Variants in ACSL4 observed in about 807,000 individuals in gnomAD.
ACSL4 encodes long-chain-fatty-acid--CoA ligase 4.
In ACSL4, 9 loss-of-function variants were observed where a neutral mutation model predicts 49.1. That is an observed-to-expected ratio of 0.18 (90% CI 0.11 to 0.32). The LOEUF (loss-of-function observed/expected upper bound fraction) is 0.32. Ranked by LOEUF, ACSL4 falls within the 10% of genes least tolerant of loss-of-function variation. The pLI is 1.00. For missense variants in ACSL4, 333 were observed against 493.7 expected (o/e 0.67, Z 3.08); for synonymous variants, 191 against 170.3 (o/e 1.12, Z -0.95).
In ACSL4 at chrX:109,663,261, C is replaced by T. The variant is rs761248525; in HGVS notation, c.1532G>A (p.Cys511Tyr). Residue 511 changes from cysteine to tyrosine, a missense_variant, in exon 13 of 16, where the codon TGC becomes TAC. This residue lies in a region of ACSL4 where 175 missense variants were observed against 275.8 expected (regional missense o/e 0.63). Transcript: ENST00000672401. ...ATGGAATTCTCCAATATCACCAGTG[C>T]AAAACCACCTTTGTCCATTTTCATC... Reference protein sequence around the residue: ...SVDENGQRWFCTGDIGEFHPD... With the variant: ...SVDENGQRWFYTGDIGEFHPD... 8.3e-7 allele frequency: 1 copy of T among 1,209,835 alleles called. No individual in the cohort carries two copies. Among genetic ancestry groups the T allele is most frequent in the South Asian group, 1.8e-5 (1 of 56,735 alleles).
intron 4 of ACSL4, among the ~76,000 whole-genome samples, chrX:109,682,122 T>G (rs1477118323): frequency 1.8e-5 from 2 of 112,101 alleles, no homozygotes; most frequent in African/African-American, 6.5e-5. Context: ...TTGTTTGAAA[T>G]TTAAGCTCTA....
rs183781758 is a variant in ACSL4 at position 109,732,786 on chromosome X, T to C, written c.-66+353A>G. Among the ~76,000 whole-genome samples the C allele has an allele frequency of 4.1e-3, 457 of 111,499 alleles. 1 individual carries two copies. Among genetic ancestry groups the C allele is most frequent in the Non-Finnish European group, 7.3e-3 (386 of 52,950 alleles). ...GTTTGGAGGTCTAGCAAGCACTTCATGGTCTCCTCCGGAAAGGGCCGTGGC... is the reference window on the plus strand; with the variant it reads ...GTTTGGAGGTCTAGCAAGCACTTCACGGTCTCCTCCGGAAAGGGCCGTGGC... On this transcript the variant is annotated intron_variant, in intron 1 of 15. Coordinates refer to ENST00000672401, the MANE Select transcript of ACSL4 (RefSeq NM_001318510.2).
At position 109,656,752 on chromosome X, in the gene ACSL4, G is replaced by T. The variant is rs188797337; in HGVS notation, c.1855+2602C>A. On this transcript the variant is annotated intron_variant, in intron 15 of 15. Coordinates refer to ENST00000672401, the MANE Select transcript of ACSL4 (RefSeq NM_001318510.2). ...TGATAAAACTGAAACTTAAAAAAAG[G>T]TTATAAAATCAGCCACCCACATGGA... Among the ~76,000 whole-genome samples, 165 of 109,050 alleles carry T rather than the reference G, an allele frequency of 1.5e-3. 2 individuals carry two copies. Among genetic ancestry groups the T allele is most frequent in the African/African-American group, 5.4e-3 (161 of 29,738 alleles). 94.7% of individuals were successfully genotyped at this position (109,050 alleles called of 115,157 possible).
At chrX:109,655,478 A>C (rs1429744352) in intron 15 of ACSL4, among the ~76,000 whole-genome samples, 2 of 111,330 alleles carry the variant, frequency 1.8e-5, no homozygotes, top group East Asian at 5.6e-4. Context: ...CAAAAAGAGA[A>C]ATAGAAAATT....
chrX:109,677,666 A>G (rs1923830887), intron 8 of ACSL4, among the ~76,000 whole-genome samples: 1 of 110,259 alleles, frequency 9.1e-6, no homozygotes. Context: ...CTGCAATCCC[A>G]GCTACTCTAG....
At chrX:109,709,845 G>A (rs1926626596) in intron 1 of ACSL4, among the ~76,000 whole-genome samples, 1 of 111,955 alleles carries the variant, frequency 8.9e-6, no homozygotes, top group Non-Finnish European at 1.9e-5. Context: ...GGTGGCTCAC[G>A]CCTGTAATCC....
At chrX:109,685,325 G>A (rs1450341633) in intron 2 of ACSL4, 1 of 110,281 alleles carries the variant, frequency 9.1e-6, no homozygotes, top group Non-Finnish European at 1.9e-5. Context: ...CAAAATCCTG[G>A]ACTCAAGCTA....
At chrX:109,645,154 C>A (rs1213205125) in intron 15 of ACSL4, among the ~76,000 whole-genome samples, 5 of 113,268 alleles carry the variant, frequency 4.4e-5, no homozygotes, top group Non-Finnish European at 7.5e-5. Context: ...GAAGCTCCAA[C>A]TGGGTGGAGC....
chrX:109,671,226 T>A (rs1923186443), intron 9 of ACSL4, among the ~76,000 whole-genome samples: 1 of 109,642 alleles, frequency 9.1e-6, no homozygotes, highest in African/African-American at 3.3e-5. Context: ...GGGGAGCACC[T>A]CTGCCCTGCC....
At chrX:109,733,115 A>G (rs375904348) in intron 1 of ACSL4, 24 bp downstream of exon 1, 40 of 326,695 alleles carry the variant, frequency 1.2e-4, no homozygotes, top group African/African-American at 9.6e-4. Context: ...CGGGGCCGCA[A>G]CCTCCCCATC....
chrX:109,679,535 A>G (rs1346483190), intron 6 of ACSL4, among the ~76,000 whole-genome samples: 1 of 112,574 alleles, frequency 8.9e-6, no homozygotes, highest in Non-Finnish European at 1.9e-5. Context: ...TTAAAGATAT[A>G]GTCATAGTTT....
chrX:109,724,306 G>A (rs1418544372), intron 1 of ACSL4, among the ~76,000 whole-genome samples: 1 of 110,641 alleles, frequency 9.0e-6, no homozygotes, highest in East Asian at 2.8e-4. Context: ...ACAGGGTTTT[G>A]CTCTGATGCC....
At position 109,678,418 on chromosome X, in the gene ACSL4, AAATG is replaced by A. The variant is rs770506547; in HGVS notation, c.656-7_656-4del. 1 of 1,209,230 alleles carries A rather than the reference AAATG, an allele frequency of 8.3e-7. No homozygotes were observed. The highest frequency in any genetic ancestry group is 1.7e-5 in the African/African-American group (1 of 57,376). On this transcript the variant is annotated splice_polypyrimidine_tract_variant and splice_region_variant and intron_variant, in intron 6 of 15. Coordinates refer to ENST00000672401, the MANE Select transcript of ACSL4 (RefSeq NM_001318510.2). ...TGGTCTACTTGGAGGAATGCCCACT[AAATG>A]AATGAATGAAAAATATCACATTTAC...
At chrX:109,672,174 A>G (rs1923318315) in intron 9 of ACSL4, among the ~76,000 whole-genome samples, 1 of 109,137 alleles carries the variant, frequency 9.2e-6, no homozygotes, top group African/African-American at 3.4e-5. Context: ...ACTATTATAT[A>G]ACTGAAATAT....
intron 1 of ACSL4, among the ~76,000 whole-genome samples, chrX:109,718,767 A>AG (rs1241771812): frequency 5.8e-4 from 62 of 106,214 alleles, no homozygotes; most frequent in Non-Finnish European, 7.7e-4. Flanking sequence ...AAAAAAAAAA[A>AG]AAAGAAAGAA....
chrX:109,668,787 T>A (rs1922908444), intron 10 of ACSL4, among the ~76,000 whole-genome samples: 1 of 111,727 alleles, frequency 9.0e-6, no homozygotes, highest in Non-Finnish European at 1.9e-5. Context: ...TTTTTCTTCA[T>A]GAAACTAAAT....
chrX:109,665,342 T>C, intron 12 of ACSL4, 78 bp downstream of exon 12: 1 of 945,796 alleles, frequency 1.1e-6, no homozygotes, highest in Non-Finnish European at 1.5e-6. Context: ...CCCCAGACTT[T>C]AAAGAAATGA....
intron 2 of ACSL4, among the ~76,000 whole-genome samples, chrX:109,694,162 T>G (rs1925249340): frequency 8.9e-6 from 1 of 112,488 alleles, no homozygotes; most frequent in Non-Finnish European, 1.9e-5. Flanking sequence ...ATGTTTAAGA[T>G]TCTTCTAATG....
In ACSL4 at chrX:109,648,846, T is replaced by A. The variant is rs373098133; in HGVS notation, c.1856-4660A>T. On this transcript the variant is annotated intron_variant, in intron 15 of 15. Coordinates refer to ENST00000672401, the MANE Select transcript of ACSL4 (RefSeq NM_001318510.2). ...GCAAAGTCTCAGGATACAAAATCAA[T>A]GTACAAAAATCACAAGCATTCTTAT... 2.4e-4 allele frequency among the ~76,000 whole-genome samples: 24 copies of A among 98,651 alleles called. No individual in the cohort carries two copies. In the East Asian group the frequency reaches 6.0e-3, roughly 25 times the overall value. The allele number at this position is 98,651 out of a possible 115,157, so 85.7% of individuals were successfully genotyped here.
Sources: allele counts gnomAD v4.1 joint callset (sites outside exome capture counted in the v4.1 genomes callset), GRCh38; gene constraint gnomAD v4.1.1; regional missense constraint gnomAD v4.1.1; transcripts MANE v1.5; gene names NCBI Gene and HGNC (gene_info 2026-07-23, HGNC 2026-07-21).